Variants in SERPINB3 observed in about 807,000 individuals in gnomAD.
The protein encoded by SERPINB3 is serpin family B member 3.
A neutral mutation model predicts 33.0 loss-of-function variants in SERPINB3; 33 were observed. The observed-to-expected ratio is 1.00, with a 90% CI of 0.76 to 1.34. SERPINB3 has a LOEUF of 1.34. Among genes scored for constraint, SERPINB3 ranks in the 40% most tolerant of loss-of-function variants. The probability of loss-of-function intolerance (pLI) is 0.00; values close to 1 mark genes in which losing one functional copy is unlikely to be tolerated. For synonymous variants in SERPINB3, 200 were observed against 170.9 expected (o/e 1.17, Z -1.33); for missense variants, 518 against 461.5 (o/e 1.12, Z -1.12).
At position 63,657,346 on chromosome 18, in the gene SERPINB3, G is replaced by T; in HGVS notation, c.536C>A (p.Ala179Glu). The change falls in exon 6 of 8, where the codon GCA (alanine) becomes GAA (glutamate). Residue 179 changes from alanine to glutamate, a missense_variant. Ala to Glu is a moderately radical substitution (Grantham distance 107, BLOSUM62 -1). Coordinates refer to ENST00000283752, the MANE Select transcript of SERPINB3 (RefSeq NM_006919.3). ...GSNTTLVLVN[A>E]IYFKGQWEKK... ...CTCCCACTGCCCTTTGAAATAGATT[G>T]CGTTCACAAGAACCAATGTGGTATT... is the stretch of plus-strand genomic sequence containing the variant. 1 of 1,609,874 alleles carries T rather than the reference G, an allele frequency of 6.2e-7. No homozygotes were observed. The highest frequency in any genetic ancestry group is 8.5e-7 in the Non-Finnish European group (1 of 1,177,210).
At chr18:63,660,471 C>T (rs768826362) in intron 3 of SERPINB3, among the ~76,000 whole-genome samples, 17 of 151,742 alleles carry the variant, frequency 1.1e-4, no homozygotes, top group Non-Finnish European at 2.2e-4. Flanking sequence ...TTCTTATTAC[C>T]CTTAGTTTTC....
chr18:63,656,979 T>C lies in SERPINB3; in HGVS notation c.620A>G (p.Tyr207Cys), dbSNP rs753471125. ...EEKFWPNKNT[Y>C]KSIQMMRQYT... The stretch of plus-strand genomic sequence containing the variant: ...TTGCCTCATCATCTGTATGGACTTG[T>C]ATGTATTCTACAATAAATCAATGTG... The change falls in exon 7 of 8, where the codon TAC becomes TGC. Residue 207 changes from tyrosine (Y) to cysteine (C), a missense_variant. Transcript: ENST00000283752. 3.7e-6 allele frequency: 6 copies of C among 1,605,272 alleles called. No homozygotes were observed. The highest frequency in any genetic ancestry group is 1.1e-5 in the South Asian group (1 of 89,622).
At chr18:63,657,824 T>C (rs73962335) in intron 5 of SERPINB3, among the ~76,000 whole-genome samples, 7,288 of 151,290 alleles carry the variant, frequency 0.048, 595 homozygotes, top group African/African-American at 0.16. Flanking sequence ...AAGTAGGCCC[T>C]GACTGCTTTT....
Position 63,660,865 on chromosome 18 carries a change from G to T in SERPINB3, c.166-9C>A, listed in dbSNP as rs372402605. The T allele has an allele frequency of 3.3e-5, 54 of 1,613,182 alleles. No individual in the cohort carries two copies. In the African/African-American group the frequency reaches 5.3e-4, roughly 16 times the overall value. On this transcript the variant is annotated splice_polypyrimidine_tract_variant and intron_variant, in intron 2 of 7. Coordinates refer to ENST00000283752, the MANE Select transcript of SERPINB3 (RefSeq NM_006919.3). Reference sequence around the variant, plus strand: ...TGATCAAAGTGAAGAACCTGGAAGAGACATGAAGCGGGACAAGAAAACTTT... The same window carrying T: ...TGATCAAAGTGAAGAACCTGGAAGATACATGAAGCGGGACAAGAAAACTTT...
At chr18:63,659,973 G>A (rs1913599442) in intron 3 of SERPINB3, among the ~76,000 whole-genome samples, 1 of 152,134 alleles carries the variant, frequency 6.6e-6, no homozygotes, top group Non-Finnish European at 1.5e-5. Flanking sequence ...TTATCTTGTA[G>A]GACACATTGA....
rs890240608 is a variant in SERPINB3 at position 63,656,319 on chromosome 18, G to C, written c.769-258C>G. Among the ~76,000 whole-genome samples, 3 of 152,056 alleles carry C rather than the reference G, an allele frequency of 2.0e-5. No homozygotes were observed. In the East Asian group the frequency reaches 5.8e-4, roughly 29 times the overall value. ...TGTGTACATATGTATGTATACAACT[G>C]TATGATACACATGTAAAAATATGAT... On this transcript the variant is annotated intron_variant, in intron 7 of 7. Transcript: ENST00000283752.
chr18:63,656,249 T>C (rs1185432143), intron 7 of SERPINB3, among the ~76,000 whole-genome samples, 188 bp from the exon 8 acceptor site: 1 of 151,014 alleles, frequency 6.6e-6, no homozygotes, highest in Non-Finnish European at 1.5e-5. Flanking sequence ...CATTGGGTTA[T>C]ATGTGTATGT....
chr18:63,661,136 G>A lies in SERPINB3; in HGVS notation c.81C>T (p.Ile27=), dbSNP rs761528409. The change falls in exon 2 of 8, where the codon ATC becomes ATT. Residue 27 remains isoleucine (I), a synonymous_variant. Transcript: ENST00000283752. ...ATGTGATGCTGATAGGGGAATAGAA[G>A]ATGTTGTTCTCTTTTGATTTTCTGA... The part of the protein sequence containing the change: ...QQFRKSKENN[I]FYSPISITSA... The A allele has an allele frequency of 1.9e-6, 3 of 1,613,678 alleles. No individual in the cohort carries two copies. Among genetic ancestry groups the A allele is most frequent in the Admixed American group, 3.3e-5 (2 of 59,952 alleles).
At chr18:63,660,337 T>C (rs1180372168) in intron 3 of SERPINB3, among the ~76,000 whole-genome samples, 1 of 152,186 alleles carries the variant, frequency 6.6e-6, no homozygotes, top group African/African-American at 2.4e-5. Context: ...TTAAATATTT[T>C]GCAACATTAT....
intron 3 of SERPINB3, 115 bp downstream of exon 3, chr18:63,660,685 T>A: frequency 7.5e-7 from 1 of 1,330,676 alleles, no homozygotes; most frequent in Non-Finnish European, 1.1e-6. Flanking sequence ...TGTCTCAATC[T>A]TTGTGTCCAA....
In SERPINB3 at chr18:63,655,721, A is replaced by G. The variant is rs1434554359; in HGVS notation, c.1109T>C (p.Leu370Pro). Residue 370 changes from leucine (L) to proline (P), a missense_variant, in exon 8 of 8, where the codon CTA becomes CCA. Transcript: ENST00000283752. ...GGTCTTATTTTGCCTTATGAAGAAT[A>G]GGAAAGGGTGATTACAATGGAACTC... ...NEEFHCNHPF[L>P]FFIRQNKTNS... 2.5e-6 allele frequency: 4 copies of G among 1,613,830 alleles called. No individual in the cohort carries two copies. In the South Asian group the frequency reaches 3.3e-5, roughly 13 times the overall value.
Position 63,660,867 on chromosome 18 carries a change from C to T in SERPINB3, c.166-11G>A. 1 of 1,613,290 alleles carries T rather than the reference C, an allele frequency of 6.2e-7. No homozygotes were observed. The highest frequency in any genetic ancestry group is 8.5e-7 in the Non-Finnish European group (1 of 1,179,574). On this transcript the variant is annotated splice_polypyrimidine_tract_variant and intron_variant, in intron 2 of 7. Transcript: ENST00000283752. ...ATCAAAGTGAAGAACCTGGAAGAGA[C>T]ATGAAGCGGGACAAGAAAACTTTAC...
chr18:63,656,174 G>A, intron 7 of SERPINB3, 113 bp from the exon 8 acceptor site: 1 of 1,264,142 alleles, frequency 7.9e-7, no homozygotes, highest in Non-Finnish European at 1.1e-6. Context: ...GTGAAATACA[G>A]AAGGTTCACT....
In SERPINB3 at chr18:63,659,544, A is replaced by G. The variant is rs541303345; in HGVS notation, c.223-17T>C. The G allele has an allele frequency of 4.0e-4, 653 of 1,613,292 alleles. 4 individuals are homozygous for G. The highest frequency in any genetic ancestry group is 3.9e-3 in the African/African-American group (293 of 74,974). Reference sequence around the variant, plus strand: ...CCTATCAACCTTCAAACATCAAAAAAGGAGATCATTCAATTGCTGTATCAA... The same window carrying G: ...CCTATCAACCTTCAAACATCAAAAAGGGAGATCATTCAATTGCTGTATCAA... On this transcript the variant is annotated splice_polypyrimidine_tract_variant and intron_variant, in intron 3 of 7. Transcript: ENST00000283752.
intron 5 of SERPINB3, among the ~76,000 whole-genome samples, chr18:63,657,768 CT>C (rs1913536395): frequency 6.8e-6 from 1 of 146,532 alleles, no homozygotes; most frequent in Non-Finnish European, 1.5e-5. Context: ...CCTCCTCTTC[CT>C]ACTTTTTTTT....
intron 4 of SERPINB3, 103 bp from the exon 5 acceptor site, chr18:63,658,733 T>C (rs1228042840): frequency 3.5e-6 from 3 of 855,156 alleles, no homozygotes; most frequent in East Asian, 2.7e-5. Context: ...ATCCAGACCC[T>C]GAATAGATGC....
chr18:63,658,536 G>T lies in SERPINB3; in HGVS notation c.446C>A (p.Ser149Tyr). The change falls in exon 5 of 8, where the codon TCC (serine) becomes TAC (tyrosine). Residue 149 changes from serine to tyrosine, a missense_variant. Ser to Tyr is a moderately radical substitution (Grantham distance 144). Transcript: ENST00000283752. ...ACCATTCGTTTGACTTTCCACCCAG[G>T]AGTTAATCTTCTTTCGACTTTCTTC... ...APEESRKKIN[S>Y]WVESQTNEKI... The T allele has an allele frequency of 6.2e-7, 1 of 1,612,700 alleles. No individual in the cohort carries two copies. Among genetic ancestry groups the T allele is most frequent in the Non-Finnish European group, 8.5e-7 (1 of 1,179,214 alleles).
Position 63,656,019 on chromosome 18 carries a change from T to G in SERPINB3, c.811A>C (p.Ser271Arg). The G allele has an allele frequency of 1.9e-6, 3 of 1,613,864 alleles. No homozygotes were observed. The highest frequency in any genetic ancestry group is 2.5e-6 in the Non-Finnish European group (3 of 1,179,876). ...CGTGTCTCTCTCATATTCTGCAAAC[T>G]TGTCCATTCCATCAATTTCTCAGCA... Reference protein sequence around the residue: ...LTAEKLMEWTSLQNMRETRVD... With the variant: ...LTAEKLMEWTRLQNMRETRVD... The change falls in exon 8 of 8, where the codon AGT becomes CGT. Residue 271 changes from serine to arginine, a missense_variant. Coordinates refer to ENST00000283752, the MANE Select transcript of SERPINB3 (RefSeq NM_006919.3).
In SERPINB3 at chr18:63,655,866, C is replaced by T. The variant is rs200813295; in HGVS notation, c.964G>A (p.Gly322Ser). Reference sequence around the variant, plus strand: ...TGTAGGACTCCAGATAGCACGAGACCGCGGCTCCCGGTCATGCCTGAGAGG... The same window carrying T: ...TGTAGGACTCCAGATAGCACGAGACTGCGGCTCCCGGTCATGCCTGAGAGG... The part of the protein sequence containing the change: ...ADLSGMTGSR[G>S]LVLSGVLHKA... The change falls in exon 8 of 8, where the codon GGT becomes AGT. Residue 322 changes from glycine to serine, a missense_variant. By Grantham distance (56) the Gly-to-Ser change is moderately conservative. Coordinates refer to ENST00000283752, the MANE Select transcript of SERPINB3 (RefSeq NM_006919.3). 1.6e-5 allele frequency: 26 copies of T among 1,613,844 alleles called. No individual in the cohort carries two copies. The South Asian group carries it at 1.9e-4, about 12-fold the overall frequency.
Sources: allele counts gnomAD v4.1 joint callset (sites outside exome capture counted in the v4.1 genomes callset), GRCh38; gene constraint gnomAD v4.1.1; transcripts MANE v1.5; gene names NCBI Gene and HGNC (gene_info 2026-07-23, HGNC 2026-07-21).